NKAIN3: variants seen among roughly 807,000 people sequenced by gnomAD.
NKAIN3 encodes the protein sodium/potassium-transporting ATPase subunit beta-1-interacting protein 3.
In NKAIN3, 25 loss-of-function variants were observed where a neutral mutation model predicts 30.2. The observed-to-expected ratio is 0.83, with a 90% confidence interval of 0.60 to 1.16. The LOEUF is 1.16. NKAIN3 is among the 50% of genes most tolerant of loss of function. The pLI, the probability that NKAIN3 is intolerant of heterozygous loss-of-function variation, is 0.00. For missense variants in NKAIN3, 225 were observed against 254.1 expected, an observed-to-expected ratio of 0.89 and a Z score of 0.78; for synonymous variants, 91 against 89.6, an observed-to-expected ratio of 1.02 and a Z score of -0.09.
At chr8:62,689,946 AAAT>A (rs1432482265) in intron 3 of NKAIN3, among the ~76,000 whole-genome samples, 1 of 83,542 alleles carries the variant, frequency 1.2e-5, no homozygotes, top group South Asian at 3.8e-4. Flanking sequence ...ACCGCACTGA[AAAT>A]AAATAAATAA....
chr8:62,891,903 T>C (rs1821307512), intron 4 of NKAIN3, among the ~76,000 whole-genome samples: 1 of 152,100 alleles, frequency 6.6e-6, no homozygotes. Context: ...ACTAGCTGAA[T>C]GATGAGACTA....
intron 4 of NKAIN3, among the ~76,000 whole-genome samples, chr8:62,813,265 G>C (rs746050786): frequency 2.0e-5 from 3 of 151,894 alleles, no homozygotes; most frequent in Non-Finnish European, 4.4e-5. Context: ...AGTATATTTT[G>C]AACTCTGTTA....
chr8:62,463,803 T>C (rs1189784224), intron 1 of NKAIN3, among the ~76,000 whole-genome samples: 2 of 152,134 alleles, frequency 1.3e-5, no homozygotes, highest in Non-Finnish European at 2.9e-5. Flanking sequence ...TTAGGTAGAG[T>C]AAAAGATTAA....
chr8:62,536,937 C>T (rs1808683150), intron 1 of NKAIN3, among the ~76,000 whole-genome samples: 1 of 152,082 alleles, frequency 6.6e-6, no homozygotes, highest in African/African-American at 2.4e-5. Context: ...AGAACCTCTG[C>T]TCTCCCATCA....
chr8:62,310,711 C>A (rs1456968120), intron 1 of NKAIN3, among the ~76,000 whole-genome samples: 1 of 150,232 alleles, frequency 6.7e-6, no homozygotes, highest in East Asian at 1.9e-4. Flanking sequence ...ATTTGCGCAT[C>A]CTCGGGGGTT....
At chr8:62,716,396 G>A (rs1281052767) in intron 3 of NKAIN3, among the ~76,000 whole-genome samples, 1 of 152,118 alleles carries the variant, frequency 6.6e-6, no homozygotes, top group Non-Finnish European at 1.5e-5. Context: ...ACACCTACAA[G>A]ATTTCTGATC....
intron 3 of NKAIN3, among the ~76,000 whole-genome samples, chr8:62,700,268 C>A (rs1814291583): frequency 6.6e-6 from 1 of 152,116 alleles, no homozygotes; most frequent in Admixed American, 6.5e-5. Flanking sequence ...TTTGGAGGTT[C>A]AAATGTACTT....
At chr8:62,331,103 A>C (rs1382321439) in intron 1 of NKAIN3, among the ~76,000 whole-genome samples, 1 of 149,014 alleles carries the variant, frequency 6.7e-6, no homozygotes, top group Non-Finnish European at 1.5e-5. Flanking sequence ...CCATATATAT[A>C]TATGTATATA....
intron 1 of NKAIN3, among the ~76,000 whole-genome samples, chr8:62,439,284 G>A (rs1266092249): frequency 6.6e-6 from 1 of 152,174 alleles, no homozygotes; most frequent in East Asian, 1.9e-4. Flanking sequence ...GAAGACTCTG[G>A]TAAGTGCAAC....
At chr8:62,836,438 G>A (rs1242222379) in intron 4 of NKAIN3, among the ~76,000 whole-genome samples, 1 of 151,952 alleles carries the variant, frequency 6.6e-6, no homozygotes, top group African/African-American at 2.4e-5. Context: ...ATGGTGTCCT[G>A]TGACAATAAA....
chr8:62,685,436 A>G (rs1358470650), intron 3 of NKAIN3, among the ~76,000 whole-genome samples: 1 of 152,196 alleles, frequency 6.6e-6, no homozygotes, highest in African/African-American at 2.4e-5. Context: ...AGTGATTCTA[A>G]TAAGCTATAA....
At chr8:62,624,323 A>C (rs982954922) in intron 3 of NKAIN3, among the ~76,000 whole-genome samples, 2 of 151,932 alleles carry the variant, frequency 1.3e-5, no homozygotes, top group Admixed American at 1.3e-4. Context: ...TCCAACCCCT[A>C]TTCAAGATGG....
intron 4 of NKAIN3, among the ~76,000 whole-genome samples, chr8:62,824,971 G>A (rs59586323): frequency 0.014 from 2,101 of 152,270 alleles, 50 homozygotes; most frequent in African/African-American, 0.049. Context: ...AACCCAAAAA[G>A]TATTTAGAGA....
intron 1 of NKAIN3, among the ~76,000 whole-genome samples, chr8:62,509,535 G>A (rs889725859): frequency 2.6e-5 from 4 of 152,000 alleles, no homozygotes; most frequent in Non-Finnish European, 2.9e-5. Flanking sequence ...AATGAAATGC[G>A]GCAGTGGTTT....
intron 3 of NKAIN3, among the ~76,000 whole-genome samples, chr8:62,723,102 C>A (rs576827018): frequency 1.3e-5 from 2 of 151,962 alleles, no homozygotes; most frequent in Non-Finnish European, 2.9e-5. Flanking sequence ...AATCAGCTGC[C>A]GCATCCATAG....
At chr8:62,948,238 C>T (rs1217928590) in intron 5 of NKAIN3, among the ~76,000 whole-genome samples, 1 of 151,164 alleles carries the variant, frequency 6.6e-6, no homozygotes, top group Non-Finnish European at 1.5e-5. Flanking sequence ...CTCACTCTGT[C>T]GCCCAGGCTG....
At chr8:62,674,104 A>G (rs1459598680) in intron 3 of NKAIN3, among the ~76,000 whole-genome samples, 1 of 152,228 alleles carries the variant, frequency 6.6e-6, no homozygotes, top group Non-Finnish European at 1.5e-5. Context: ...CTACTGGGGT[A>G]GAGAATAATG....
intron 1 of NKAIN3, among the ~76,000 whole-genome samples, chr8:62,465,805 T>G (rs1235287281): frequency 6.6e-6 from 1 of 152,062 alleles, no homozygotes; most frequent in East Asian, 1.9e-4. Flanking sequence ...GGTGGATCAC[T>G]TGAGGTCAGG....
intron 4 of NKAIN3, among the ~76,000 whole-genome samples, chr8:62,780,950 A>G (rs1405140043): frequency 1.3e-5 from 2 of 152,064 alleles, no homozygotes; most frequent in African/African-American, 4.8e-5. Flanking sequence ...CAATAAGACA[A>G]GAGAAAGAAA....
Sources: allele counts gnomAD v4.1 joint callset (sites outside exome capture counted in the v4.1 genomes callset), GRCh38; gene constraint gnomAD v4.1.1; transcripts MANE v1.5; gene names NCBI Gene and HGNC (gene_info 2026-07-23, HGNC 2026-07-21).